The following FSHR variants were observed in gnomAD, a reference collection of about 807,000 sequenced individuals.
FSHR encodes follicle-stimulating hormone receptor.
Under a neutral mutation model 52.1 loss-of-function variants are expected in FSHR, and 46 were observed. That is an observed-to-expected ratio of 0.88 (90% confidence interval 0.70 to 1.13). The LOEUF (loss-of-function observed/expected upper bound fraction) is 1.13, where lower values mean the gene tolerates loss of function less well. Ranked by LOEUF, FSHR falls within the 50% of genes most tolerant of loss-of-function variation. The pLI is 0.00. For synonymous variants in FSHR, 399 were observed against 309.6 expected, an observed-to-expected ratio of 1.29 and a Z score of -3.03; for missense variants, 964 against 834.6, an observed-to-expected ratio of 1.16 and a Z score of -1.91.
At chr2:49,003,927 G>A (rs979653029) in intron 4 of FSHR, among the ~76,000 whole-genome samples, 4 of 152,128 alleles carry the variant, frequency 2.6e-5, no homozygotes, top group African/African-American at 9.7e-5. Flanking sequence ...TGTGTGGCCT[G>A]TCCCAGGGAT....
At chr2:49,075,813 T>G (rs1669930447) in intron 1 of FSHR, among the ~76,000 whole-genome samples, 2 of 92,252 alleles carry the variant, frequency 2.2e-5, no homozygotes, top group South Asian at 3.9e-4. Context: ...TTTGTTTGGG[T>G]TTTTTTGGGA....
intron 4 of FSHR, among the ~76,000 whole-genome samples, chr2:48,992,306 T>G (rs1359173149): frequency 6.6e-6 from 1 of 152,208 alleles, no homozygotes; most frequent in African/African-American, 2.4e-5. Flanking sequence ...ACTTTCTAAA[T>G]TCCCTTGTGT....
At chr2:49,049,737 A>T (rs1192269004) in intron 2 of FSHR, among the ~76,000 whole-genome samples, 2 of 151,960 alleles carry the variant, frequency 1.3e-5, no homozygotes, top group South Asian at 4.1e-4. Context: ...GTGAAGAGTT[A>T]TTATGAGTAT....
chr2:49,022,056 G>A (rs941082318), intron 2 of FSHR, among the ~76,000 whole-genome samples: 7 of 151,218 alleles, frequency 4.6e-5, no homozygotes, highest in African/African-American at 1.7e-4. Context: ...GAATGCAGTA[G>A]AGTGAAAGAA....
chr2:49,049,231 C>T (rs1668768841), intron 2 of FSHR, among the ~76,000 whole-genome samples: 1 of 151,940 alleles, frequency 6.6e-6, no homozygotes, highest in South Asian at 2.1e-4. Context: ...TCTCTGAGCA[C>T]TGACAAATAT....
rs1675707669 is a variant in FSHR, at chr2:48,990,266, G to C, written c.446+300C>G. ...GGAATACAGGGGGTGTTGTTTATGT[G>C]TGTGGGGGGCAGTAATTAAAGCGCT... On this transcript the variant is annotated intron_variant, in intron 5 of 9. Transcript: ENST00000406846. Among the ~76,000 whole-genome samples the C allele has an allele frequency of 2.0e-5, 3 of 151,824 alleles. No individual in the cohort carries two copies. In the South Asian group the frequency reaches 6.2e-4, roughly 32 times the overall value.
chr2:49,036,517 A>G (rs1668277461), intron 2 of FSHR, among the ~76,000 whole-genome samples: 1 of 151,926 alleles, frequency 6.6e-6, no homozygotes, highest in Non-Finnish European at 1.5e-5. Context: ...ATCTATATCT[A>G]TATCTATATA....
chr2:49,146,370 C>T (rs1252686275), intron 1 of FSHR, among the ~76,000 whole-genome samples: 1 of 152,018 alleles, frequency 6.6e-6, no homozygotes, highest in African/African-American at 2.4e-5. Context: ...TTTCTCAAGT[C>T]CTTATTCCAA....
At chr2:49,143,870 G>A (rs896188867) in intron 1 of FSHR, among the ~76,000 whole-genome samples, 1 of 152,096 alleles carries the variant, frequency 6.6e-6, no homozygotes, top group African/African-American at 2.4e-5. Context: ...CTCAGGGACT[G>A]GAGGCACTGG....
At chr2:48,986,371 G>C (rs1351207445) in intron 6 of FSHR, among the ~76,000 whole-genome samples, 1 of 144,342 alleles carries the variant, frequency 6.9e-6, no homozygotes, top group Admixed American at 7.0e-5. Context: ...TACTTCAACA[G>C]TCATCAGCGC....
chr2:49,074,784 C>CAAT (rs1553341437), intron 1 of FSHR, among the ~76,000 whole-genome samples: 1 of 151,978 alleles, frequency 6.6e-6, no homozygotes, highest in East Asian at 1.9e-4. Flanking sequence ...AGTTGTCCAA[C>CAAT]AGATAAATGG....
At chr2:49,034,212 G>A (rs1415442012) in intron 2 of FSHR, among the ~76,000 whole-genome samples, 1 of 152,168 alleles carries the variant, frequency 6.6e-6, no homozygotes, top group Non-Finnish European at 1.5e-5. Flanking sequence ...TTCTTAACCT[G>A]AGGACTGAGT....
chr2:49,094,216 A>G lies in FSHR; in HGVS notation c.153-25926T>C, dbSNP rs573801242. Among the ~76,000 whole-genome samples, 9 of 152,302 alleles carry G rather than the reference A, an allele frequency of 5.9e-5. No homozygotes were observed. The East Asian group carries it at 1.5e-3, about 26-fold the overall frequency. On this transcript the variant is annotated intron_variant, in intron 1 of 9. Transcript: ENST00000406846. ...TTAGAATTAATATTTTATTACTTCAATGGTAATACAGAAACCTTGCCACCA... is the reference window on the plus strand; with the variant it reads ...TTAGAATTAATATTTTATTACTTCAGTGGTAATACAGAAACCTTGCCACCA...
chr2:49,120,905 A>C (rs1392761940), intron 1 of FSHR, among the ~76,000 whole-genome samples: 1 of 152,220 alleles, frequency 6.6e-6, no homozygotes, highest in Non-Finnish European at 1.5e-5. Flanking sequence ...AAATATTAGA[A>C]TATGAGAGTA....
At chr2:48,989,112 CA>C in intron 5 of FSHR, 58 bp from the exon 6 acceptor site, 1 of 1,393,672 alleles carries the variant, frequency 7.2e-7, no homozygotes, top group South Asian at 1.2e-5. Context: ...TGTAACCTTC[CA>C]AAATTTAGTT....
chr2:49,118,722 C>G (rs1029957232), intron 1 of FSHR, among the ~76,000 whole-genome samples: 1 of 152,138 alleles, frequency 6.6e-6, no homozygotes, highest in Non-Finnish European at 1.5e-5. Flanking sequence ...TTAACATACC[C>G]AATCACACAC....
At chr2:49,139,483 G>GA (rs1467481074) in intron 1 of FSHR, among the ~76,000 whole-genome samples, 1 of 152,092 alleles carries the variant, frequency 6.6e-6, no homozygotes, top group Non-Finnish European at 1.5e-5. Context: ...GACCATGGAA[G>GA]ACCTTTTAAA....
chr2:49,127,777 TCTTCTTCTTCTTCTTCTTCTTC>T (rs1672071586), intron 1 of FSHR, among the ~76,000 whole-genome samples: 2 of 45,156 alleles, frequency 4.4e-5, no homozygotes, highest in Non-Finnish European at 8.1e-5. Context: ...TTCTTCTTCT[TCTTCTTCTTCTTCTTCTTCTTC>T]TTCTTCTTCT....
chr2:48,995,158 G>A (rs1314661076), intron 4 of FSHR, among the ~76,000 whole-genome samples: 6 of 152,078 alleles, frequency 3.9e-5, no homozygotes, highest in Admixed American at 3.3e-4. Context: ...TGTTGCACTG[G>A]TCTATGTGCC....
Sources: allele counts gnomAD v4.1 joint callset (sites outside exome capture counted in the v4.1 genomes callset), GRCh38; gene constraint gnomAD v4.1.1; transcripts MANE v1.5; gene names NCBI Gene and HGNC (gene_info 2026-07-23, HGNC 2026-07-21).